CMIP: variants seen among roughly 807,000 people sequenced by gnomAD.
The protein encoded by CMIP is C-Maf-inducing protein.
A neutral mutation model predicts 97.3 loss-of-function variants in CMIP; 13 were observed. The observed-to-expected ratio is 0.13, with a 90% CI of 0.09 to 0.21. The LOEUF is 0.21. CMIP is among the 10% of genes least tolerant of loss of function. The pLI, the probability that CMIP is intolerant of heterozygous loss-of-function variation, is 1.00. For synonymous variants in CMIP, 538 were observed against 436.3 expected (o/e 1.23, Z -2.91); for missense variants, 847 against 1,024.9 (o/e 0.83, Z 2.37).
At chr16:81,661,782 G>C (rs1223167883) in intron 6 of CMIP, among the ~76,000 whole-genome samples, 1 of 152,008 alleles carries the variant, frequency 6.6e-6, no homozygotes, top group Admixed American at 6.5e-5. Context: ...AGTCCTCTGT[G>C]TATGTGTCAG....
intron 1 of CMIP, among the ~76,000 whole-genome samples, chr16:81,565,067 G>A (rs1223273712): frequency 6.6e-6 from 1 of 152,100 alleles, no homozygotes; most frequent in Non-Finnish European, 1.5e-5. Context: ...GACCCTTCAA[G>A]CGGGGCCTTA....
intron 1 of CMIP, among the ~76,000 whole-genome samples, chr16:81,512,124 A>C (rs55932963): frequency 0.16 from 24,369 of 152,230 alleles, 2,560 homozygotes; most frequent in African/African-American, 0.3. Flanking sequence ...CTTTTTTAAA[A>C]TGTGGCTACT....
chr16:81,650,551 T>C (rs73600408), intron 3 of CMIP, among the ~76,000 whole-genome samples: 8,455 of 152,028 alleles, frequency 0.056, 265 homozygotes, highest in African/African-American at 0.088. Context: ...AATGAGTATA[T>C]CAGAGGCCCC....
At chr16:81,613,947 G>A (rs2150951204) in intron 2 of CMIP, among the ~76,000 whole-genome samples, 1 of 152,280 alleles carries the variant, frequency 6.6e-6, no homozygotes, top group South Asian at 2.1e-4. Context: ...TGGACACAGT[G>A]GTGCCTAAGT....
intron 2 of CMIP, among the ~76,000 whole-genome samples, chr16:81,612,777 CTGGCTGGGGA>C (rs2091852779): frequency 2.0e-5 from 3 of 152,312 alleles, no homozygotes; most frequent in African/African-American, 7.2e-5. Flanking sequence ...GACTTGGGGT[CTGGCTGGGGA>C]CCTCTCCCAT....
At chr16:81,684,646 C>G (rs985210635) in intron 10 of CMIP, among the ~76,000 whole-genome samples, 1 of 152,210 alleles carries the variant, frequency 6.6e-6, no homozygotes, top group African/African-American at 2.4e-5. Context: ...AGTGTCTGAA[C>G]CTCTCTGGAC....
At chr16:81,521,163 T>A (rs2090018656) in intron 1 of CMIP, among the ~76,000 whole-genome samples, 1 of 152,236 alleles carries the variant, frequency 6.6e-6, no homozygotes, top group Non-Finnish European at 1.5e-5. Flanking sequence ...CTTTTCTTTG[T>A]CACTGCCCGG....
chr16:81,476,490 G>T (rs1405079844), intron 1 of CMIP: 1 of 732,408 alleles, frequency 1.4e-6, no homozygotes, highest in Non-Finnish European at 2.5e-6. Context: ...CGTTGACAGC[G>T]ATGTCAGAGA....
At position 81,553,397 on chromosome 16, in the gene CMIP, G is replaced by T. The variant is rs148264293; in HGVS notation, c.301-54170G>T. On this transcript the variant is annotated intron_variant, in intron 1 of 20. Transcript: ENST00000537098. ...GTTGAAAGCAGGACTGGGCAGGCTGGGTCGCTGTTTGCACTGGGGGAAGCG... is the reference window on the plus strand; with the variant it reads ...GTTGAAAGCAGGACTGGGCAGGCTGTGTCGCTGTTTGCACTGGGGGAAGCG... Among the ~76,000 whole-genome samples, 1,084 of 152,310 alleles carry T rather than the reference G, an allele frequency of 7.1e-3. 11 individuals carry two copies. The highest frequency in any genetic ancestry group is 0.024 in the African/African-American group (1,018 of 41,568).
intron 3 of CMIP, among the ~76,000 whole-genome samples, chr16:81,649,806 T>G (rs995075252): frequency 6.6e-6 from 1 of 152,104 alleles, no homozygotes; most frequent in Non-Finnish European, 1.5e-5. Context: ...TGATATAGGG[T>G]GGATTTTGTG....
rs12599608 is a variant in CMIP at position 81,497,855 on chromosome 16, G to C, written c.300+52314G>C. Among the ~76,000 whole-genome samples the C allele has an allele frequency of 3.8e-3, 573 of 152,234 alleles. 1 individual carries two copies. Among genetic ancestry groups the C allele is most frequent in the Non-Finnish European group, 5.6e-3 (382 of 67,998 alleles). ...GCTACAAAGAAAGCTCCTTCTGCCCGTGCAGCGTGGGCTCCTGGGTCCCCT... is the reference window on the plus strand; with the variant it reads ...GCTACAAAGAAAGCTCCTTCTGCCCCTGCAGCGTGGGCTCCTGGGTCCCCT... On this transcript the variant is annotated intron_variant, in intron 1 of 20. Coordinates refer to ENST00000537098, the MANE Select transcript of CMIP (RefSeq NM_198390.3).
chr16:81,493,695 C>G (rs1455045603), intron 1 of CMIP, among the ~76,000 whole-genome samples: 1 of 152,242 alleles, frequency 6.6e-6, no homozygotes, highest in East Asian at 1.9e-4. Flanking sequence ...ACAGTAATAA[C>G]AATGGCAGCA....
intron 2 of CMIP, among the ~76,000 whole-genome samples, chr16:81,612,414 A>T (rs779798725): frequency 1.3e-5 from 2 of 152,140 alleles, no homozygotes; most frequent in Non-Finnish European, 2.9e-5. Context: ...TACCCCAAAC[A>T]TTGGCAGCAG....
intron 7 of CMIP, 103 bp from the exon 8 acceptor site, chr16:81,670,039 C>T: frequency 1.8e-6 from 2 of 1,106,606 alleles, no homozygotes; most frequent in African/African-American, 1.6e-5. Context: ...ATCAACAGCT[C>T]CAGGCAGAGC....
At chr16:81,661,200 G>A (rs1253182480) in intron 6 of CMIP, among the ~76,000 whole-genome samples, 1 of 152,254 alleles carries the variant, frequency 6.6e-6, no homozygotes, top group African/African-American at 2.4e-5. Flanking sequence ...GCTGTCTTAG[G>A]AGACAGGTTG....
chr16:81,541,265 A>C (rs2090444328), intron 1 of CMIP, among the ~76,000 whole-genome samples: 1 of 152,074 alleles, frequency 6.6e-6, no homozygotes, highest in Non-Finnish European at 1.5e-5. Flanking sequence ...GTATAATTTT[A>C]TGTGAGTTTC....
chr16:81,591,706 G>A (rs910721673), intron 1 of CMIP, among the ~76,000 whole-genome samples: 3 of 152,074 alleles, frequency 2.0e-5, no homozygotes, highest in African/African-American at 7.2e-5. Context: ...AGGGCATGGA[G>A]ATGCTCCCCA....
chr16:81,589,490 T>C (rs2091433731), intron 1 of CMIP, among the ~76,000 whole-genome samples: 1 of 152,080 alleles, frequency 6.6e-6, no homozygotes, highest in African/African-American at 2.4e-5. Flanking sequence ...TGTGTTTTTT[T>C]TTTTTTTTTC....
intron 4 of CMIP, among the ~76,000 whole-genome samples, chr16:81,654,055 C>G (rs957200723): frequency 6.6e-6 from 1 of 152,206 alleles, no homozygotes; most frequent in Non-Finnish European, 1.5e-5. Context: ...TTGAGACCAA[C>G]TTGGCCACCA....
Sources: gnomAD v4.1 joint callset for allele counts (sites outside exome capture counted in the v4.1 genomes callset) on GRCh38, gnomAD v4.1.1 for gene constraint, MANE v1.5 for transcripts, NCBI Gene and HGNC (gene_info 2026-07-23, HGNC 2026-07-21) for gene names.